TG: variants seen among roughly 807,000 people sequenced by gnomAD.
TG encodes the protein thyroid hormones.
A neutral mutation model predicts 324.7 loss-of-function variants in TG; 270 were observed. The ratio of observed to expected loss-of-function variants is 0.83; its 90% CI spans 0.75 to 0.92. TG has a LOEUF of 0.92. Among genes scored for constraint, TG ranks in the 40% least tolerant of loss-of-function variants. The pLI is 0.00. For synonymous variants in TG, 1,401 were observed against 1,327.0 expected, an observed-to-expected ratio of 1.06 and a Z score of -1.21; for missense variants, 3,591 against 3,456.4, an observed-to-expected ratio of 1.04 and a Z score of -0.98.
At chr8:132,918,865 A>T (rs1179254100) in intron 20 of TG, among the ~76,000 whole-genome samples, 2 of 152,244 alleles carry the variant, frequency 1.3e-5, no homozygotes, top group Admixed American at 6.5e-5. Flanking sequence ...GCATACAAAG[A>T]AGTCATGCAT....
intron 16 of TG, among the ~76,000 whole-genome samples, chr8:132,905,772 C>T (rs959056979): frequency 6.6e-6 from 1 of 152,124 alleles, no homozygotes; most frequent in African/African-American, 2.4e-5. Context: ...AGGTCTGTAC[C>T]TGGTGGCCTG....
chr8:133,127,996 C>G (rs1851647636), intron 45 of TG, among the ~76,000 whole-genome samples: 1 of 152,150 alleles, frequency 6.6e-6, no homozygotes, highest in Non-Finnish European at 1.5e-5. Context: ...TCCATAAACT[C>G]CTTTCCATTT....
At chr8:133,066,428 A>G (rs1335937039) in intron 41 of TG, among the ~76,000 whole-genome samples, 1 of 152,192 alleles carries the variant, frequency 6.6e-6, no homozygotes, top group Non-Finnish European at 1.5e-5. Flanking sequence ...TTTCATAAAA[A>G]TGTGCCACTC....
intron 43 of TG, among the ~76,000 whole-genome samples, chr8:133,096,984 G>T (rs1326543229): frequency 6.6e-6 from 1 of 152,184 alleles, no homozygotes; most frequent in Non-Finnish European, 1.5e-5. Context: ...GCTAACCCTG[G>T]AAGAGGCTGA....
intron 26 of TG, among the ~76,000 whole-genome samples, chr8:132,945,224 G>A (rs571498777): frequency 1.1e-4 from 16 of 152,280 alleles, no homozygotes; most frequent in African/African-American, 3.6e-4. Flanking sequence ...CAGTAGTCCA[G>A]GGTAGAAGGT....
chr8:132,924,098 G>A (rs1821483644), intron 22 of TG, among the ~76,000 whole-genome samples: 1 of 151,964 alleles, frequency 6.6e-6, no homozygotes. Context: ...TGGGAGCCCT[G>A]AGCTTTTTTC....
chr8:132,959,090 C>T (rs1418585438), intron 27 of TG, among the ~76,000 whole-genome samples: 1 of 152,220 alleles, frequency 6.6e-6, no homozygotes, highest in South Asian at 2.1e-4. Flanking sequence ...GAAGTTCTAG[C>T]ACCATTGTTT....
At chr8:133,116,368 T>A (rs925964563) in intron 44 of TG, among the ~76,000 whole-genome samples, 3 of 152,200 alleles carry the variant, frequency 2.0e-5, no homozygotes, top group African/African-American at 4.8e-5. Context: ...TGGACGCCAG[T>A]TTTCGAGCCC....
At chr8:133,018,138 T>C in intron 38 of TG, 141 bp downstream of exon 38, 2 of 856,186 alleles carry the variant, frequency 2.3e-6, no homozygotes, top group Non-Finnish European at 3.8e-6. Flanking sequence ...AGCTAAGATA[T>C]CATTAAGTGC....
intron 45 of TG, among the ~76,000 whole-genome samples, chr8:133,119,275 T>TA (rs1182664618): frequency 6.6e-6 from 1 of 152,208 alleles, no homozygotes; most frequent in Non-Finnish European, 1.5e-5. Flanking sequence ...CTTCTGTTTT[T>TA]ATAGCACGCC....
intron 8 of TG, 169 bp downstream of exon 8, chr8:132,883,168 A>C: frequency 1.5e-6 from 1 of 685,584 alleles, no homozygotes; most frequent in Non-Finnish European, 2.4e-6. Context: ...AACTTCCAAC[A>C]TGTTTCTCAT....
chr8:132,983,615 G>C (rs1818536519), intron 35 of TG: 2 of 622,772 alleles, frequency 3.2e-6, no homozygotes, highest in Non-Finnish European at 5.8e-6. Context: ...TGACTCACGG[G>C]AATGAAATGA....
rs1452698582 is a variant in TG at position 132,919,372 on chromosome 8, C to A, written c.4379-4C>A. On this transcript the variant is annotated splice_region_variant and splice_polypyrimidine_tract_variant and intron_variant, in intron 20 of 47. Coordinates refer to ENST00000220616, the MANE Select transcript of TG (RefSeq NM_003235.5). Reference sequence around the variant, plus strand: ...TTTAACATCATTTCTCTGTTTTTTTCTAGTTAAGTGTCCTGAAGGAAGCTA... The same window carrying A: ...TTTAACATCATTTCTCTGTTTTTTTATAGTTAAGTGTCCTGAAGGAAGCTA... The A allele has an allele frequency of 1.9e-6, 3 of 1,613,382 alleles. No individual in the cohort carries two copies. In the Admixed American group the frequency reaches 5.0e-5, roughly 27 times the overall value.
chr8:132,908,451 T>TGTTTTA, intron 18 of TG, 111 bp downstream of exon 18: 2 of 752,850 alleles, frequency 2.7e-6, no homozygotes, highest in Non-Finnish European at 2.1e-6. Flanking sequence ...GGGCCCCATC[T>TGTTTTA]TCAAGTGTTT....
intron 34 of TG, among the ~76,000 whole-genome samples, chr8:132,980,640 A>C (rs928335254): frequency 6.6e-6 from 1 of 152,184 alleles, no homozygotes; most frequent in African/African-American, 2.4e-5. Context: ...CAGGAGGCTC[A>C]GGGCTTGTGA....
rs368389303 is a variant in TG, at chr8:133,119,556, A to G, written c.7862+2840A>G. Among the ~76,000 whole-genome samples, 140 of 152,256 alleles carry G rather than the reference A, an allele frequency of 9.2e-4. 8 individuals carry two copies. In the South Asian group the frequency reaches 0.028, roughly 30 times the overall value. On this transcript the variant is annotated intron_variant, in intron 45 of 47. Transcript: ENST00000220616. The stretch of plus-strand genomic sequence containing the variant: ...TCTGCATTCTCTCATGGCAAAGGGG[A>G]CAAACATTTTCCCTAAGGCCTCTTT...
chr8:133,053,294 G>C (rs2741196), intron 41 of TG, among the ~76,000 whole-genome samples: 114,333 of 152,118 alleles, frequency 0.75, 43,998 homozygotes, highest in African/African-American at 0.9. Context: ...ATGCCCATCT[G>C]TCCCCACCCC....
chr8:132,897,266 G>T (rs552008412), intron 11 of TG, among the ~76,000 whole-genome samples: 1 of 152,182 alleles, frequency 6.6e-6, no homozygotes, highest in Non-Finnish European at 1.5e-5. Context: ...TCAGATTGCT[G>T]TGAGGATTAA....
intron 8 of TG, among the ~76,000 whole-genome samples, chr8:132,886,110 G>A (rs1815377390): frequency 6.6e-6 from 1 of 152,090 alleles, no homozygotes; most frequent in Admixed American, 6.5e-5. Context: ...TCTGTGTGTG[G>A]TGGGGGACAC....
Sources: allele counts gnomAD v4.1 joint callset (sites outside exome capture counted in the v4.1 genomes callset), GRCh38; gene constraint gnomAD v4.1.1; transcripts MANE v1.5; gene names NCBI Gene and HGNC (gene_info 2026-07-23, HGNC 2026-07-21).